The following GMDS variants were observed in gnomAD, a reference collection of about 807,000 sequenced individuals.
GMDS encodes GDP-mannose 4,6 dehydratase.
Under a neutral mutation model 49.9 loss-of-function variants are expected in GMDS, and 20 were observed. The ratio of observed to expected loss-of-function variants is 0.40; its 90% CI spans 0.28 to 0.58. The LOEUF is 0.58. Among genes scored for constraint, GMDS ranks in the 20% least tolerant of loss-of-function variants. The pLI, the probability that GMDS is intolerant of heterozygous loss-of-function variation, is 0.42. For synonymous variants in GMDS, 177 were observed against 178.6 expected, an observed-to-expected ratio of 0.99 and a Z score of 0.07; for missense variants, 362 against 481.4, an observed-to-expected ratio of 0.75 and a Z score of 2.32.
chr6:2,143,415 T>G (rs896465670), intron 1 of GMDS, among the ~76,000 whole-genome samples: 6 of 152,358 alleles, frequency 3.9e-5, no homozygotes, highest in African/African-American at 1.4e-4. Context: ...CCCCATCATC[T>G]GGGCAGTGTC....
intron 4 of GMDS, among the ~76,000 whole-genome samples, chr6:1,975,066 C>A (rs915971451): frequency 6.6e-6 from 1 of 151,142 alleles, no homozygotes; most frequent in Non-Finnish European, 1.5e-5. Flanking sequence ...AACAGGGTAA[C>A]CAATGGTCAC....
intron 4 of GMDS, among the ~76,000 whole-genome samples, chr6:2,006,231 G>A (rs6918847): frequency 0.44 from 66,930 of 150,858 alleles, 14,985 homozygotes; most frequent in Middle Eastern, 0.49. Flanking sequence ...AGACTGGCCT[G>A]GGAAACACAG....
intron 7 of GMDS, among the ~76,000 whole-genome samples, chr6:1,835,367 T>C (rs935991494): frequency 2.0e-5 from 3 of 152,134 alleles, no homozygotes; most frequent in Non-Finnish European, 4.4e-5. Context: ...TGCTCTCCTT[T>C]CCCAACTCAG....
chr6:2,190,912 G>A (rs945981736), intron 1 of GMDS, among the ~76,000 whole-genome samples: 8 of 152,186 alleles, frequency 5.3e-5, no homozygotes, highest in African/African-American at 1.9e-4. Flanking sequence ...ACCCTCATGT[G>A]GCCAGGCAGG....
Position 2,191,628 on chromosome 6 carries a change from G to A in GMDS, c.102+53693C>T, listed in dbSNP as rs946955655. On this transcript the variant is annotated intron_variant, in intron 1 of 10. Transcript: ENST00000380815. This position sits in a 1 kb window ranked among gnomAD's most constrained non-coding sequence, Gnocchi z 4.6. Reference sequence around the variant, plus strand: ...CTCCGAATGGGGTTGGGGCCAAGCCGGGGAGCTGTCACAGCCCAGCCAGGT... The same window carrying A: ...CTCCGAATGGGGTTGGGGCCAAGCCAGGGAGCTGTCACAGCCCAGCCAGGT... Among the ~76,000 whole-genome samples, 4 of 152,206 alleles carry A rather than the reference G, an allele frequency of 2.6e-5. No homozygotes were observed. The highest frequency in any genetic ancestry group is 5.9e-5 in the Non-Finnish European group (4 of 68,028).
At chr6:2,095,982 C>T (rs2127480941) in intron 4 of GMDS, among the ~76,000 whole-genome samples, 1 of 152,198 alleles carries the variant, frequency 6.6e-6, no homozygotes, top group African/African-American at 2.4e-5. Context: ...GAAGTGACAA[C>T]TGGAAGAATA....
chr6:1,853,783 T>C (rs1397595542), intron 7 of GMDS, among the ~76,000 whole-genome samples: 1 of 152,224 alleles, frequency 6.6e-6, no homozygotes. Context: ...GAGTTGTCCA[T>C]ATATGGAGAA....
intron 7 of GMDS, among the ~76,000 whole-genome samples, chr6:1,917,703 T>C (rs560534807): frequency 3.2e-4 from 48 of 152,364 alleles, no homozygotes; most frequent in Admixed American, 5.2e-4. Context: ...TAGGCGCAGC[T>C]CTGCTACCTT....
chr6:1,878,039 C>T (rs554799108), intron 7 of GMDS, among the ~76,000 whole-genome samples: 16 of 152,200 alleles, frequency 1.1e-4, no homozygotes, highest in South Asian at 2.1e-4. Flanking sequence ...TCCTGCTGGG[C>T]GCGGTGGCTC....
intron 9 of GMDS, among the ~76,000 whole-genome samples, chr6:1,718,317 G>A (rs112150332): frequency 0.021 from 3,270 of 152,206 alleles, 102 homozygotes; most frequent in African/African-American, 0.066. Context: ...GGAGTGTGAC[G>A]GAACACCTCA....
intron 1 of GMDS, among the ~76,000 whole-genome samples, chr6:2,217,227 C>A (rs1228613143): frequency 6.6e-6 from 1 of 152,106 alleles, no homozygotes; most frequent in Non-Finnish European, 1.5e-5. Flanking sequence ...CCCCCTCCCA[C>A]CTGACCCTCC....
intron 4 of GMDS, among the ~76,000 whole-genome samples, chr6:1,976,129 A>G (rs908488237): frequency 1.3e-5 from 2 of 152,222 alleles, no homozygotes; most frequent in African/African-American, 2.4e-5. Flanking sequence ...GTAAAATAAT[A>G]AAGAATATGG....
At position 1,624,020 on chromosome 6, in the gene GMDS, C is replaced by T. The variant is rs1278099364; in HGVS notation, c.*149G>A. ...CTGCTACAAACCTCGGCGGGGCGGC[C>T]CCGCTCTTGCGGCCGGGACAGCGCA... On this transcript the variant is annotated 3_prime_UTR_variant, in exon 11 of 11. Transcript: ENST00000380815. 1 of 667,158 alleles carries T rather than the reference C, an allele frequency of 1.5e-6. No homozygotes were observed. 41.3% of individuals were successfully genotyped at this position (667,158 alleles called of 1,614,324 possible). A position where few individuals can be genotyped will look rare whatever the true frequency, so the allele number is the denominator to read the frequency against.
chr6:2,102,472 C>T (rs990738571), intron 4 of GMDS, among the ~76,000 whole-genome samples: 6 of 152,076 alleles, frequency 3.9e-5, no homozygotes, highest in Non-Finnish European at 7.4e-5. Flanking sequence ...GCTTGAGACA[C>T]GATTCTTTTG....
intron 4 of GMDS, among the ~76,000 whole-genome samples, chr6:2,016,983 T>C (rs976163921): frequency 5.3e-5 from 8 of 151,764 alleles, no homozygotes; most frequent in Non-Finnish European, 1.2e-4. Flanking sequence ...CTAAATTTCA[T>C]CTTGAGAAGC....
chr6:2,077,223 C>G (rs1185292004), intron 4 of GMDS, among the ~76,000 whole-genome samples: 1 of 152,040 alleles, frequency 6.6e-6, no homozygotes, highest in Non-Finnish European at 1.5e-5. Flanking sequence ...AAGATCACGT[C>G]ATCTCAAAGG....
intron 1 of GMDS, among the ~76,000 whole-genome samples, chr6:2,151,073 C>CA (rs1252039960): frequency 6.6e-6 from 1 of 151,878 alleles, no homozygotes; most frequent in Non-Finnish European, 1.5e-5. Context: ...TTTATGGGTA[C>CA]AAAAAATAGT....
chr6:1,798,632 G>A (rs1388912928), intron 7 of GMDS, among the ~76,000 whole-genome samples: 1 of 152,200 alleles, frequency 6.6e-6, no homozygotes, highest in Non-Finnish European at 1.5e-5. Flanking sequence ...GAATCTCCAA[G>A]AGAAGGCAGA....
chr6:1,860,519 A>C (rs1758133797), intron 7 of GMDS, among the ~76,000 whole-genome samples: 3 of 152,160 alleles, frequency 2.0e-5, no homozygotes, highest in Admixed American at 2.0e-4. Flanking sequence ...TGCAAGATGG[A>C]TTGTTCTATA....
Sources: gnomAD v4.1 joint callset for allele counts (sites outside exome capture counted in the v4.1 genomes callset) on GRCh38, gnomAD v4.1.1 for gene constraint, Gnocchi (gnomAD v3.1) non-coding constraint, MANE v1.5 for transcripts, NCBI Gene and HGNC (gene_info 2026-07-23, HGNC 2026-07-21) for gene names.